Variants in ADCY9 observed in about 807,000 individuals in gnomAD.
The protein encoded by ADCY9 is adenylate cyclase type 9.
Under a neutral mutation model 101.5 loss-of-function variants are expected in ADCY9, and 50 were observed. That is an observed-to-expected ratio of 0.49 (90% CI 0.39 to 0.62). ADCY9 has a LOEUF of 0.62. ADCY9 is among the 20% of genes least tolerant of loss of function. ADCY9 has a pLI of 0.00. For synonymous variants in ADCY9, 905 were observed against 769.3 expected (o/e 1.18, Z -2.92); for missense variants, 1,662 against 1,800.4 (o/e 0.92, Z 1.39).
At chr16:4,090,545 C>G (rs774151421) in intron 2 of ADCY9, among the ~76,000 whole-genome samples, 38 of 152,042 alleles carry the variant, frequency 2.5e-4, no homozygotes, top group Admixed American at 5.9e-4. Context: ...ACCGTCCCAC[C>G]TCCCTGTGCT....
intron 2 of ADCY9, among the ~76,000 whole-genome samples, chr16:4,076,937 C>T (rs1239178500): frequency 6.6e-6 from 1 of 152,054 alleles, no homozygotes; most frequent in Non-Finnish European, 1.5e-5. Context: ...ATTAGCCGGG[C>T]ATGGTGGCAG....
intron 3 of ADCY9, among the ~76,000 whole-genome samples, chr16:3,996,232 C>T (rs1033513057): frequency 2.0e-5 from 3 of 152,040 alleles, no homozygotes; most frequent in Admixed American, 6.6e-5. Context: ...CTTGATGGCA[C>T]GTGCCTGTGG....
At chr16:4,030,152 T>A (rs1481323467) in intron 2 of ADCY9, among the ~76,000 whole-genome samples, 1 of 152,176 alleles carries the variant, frequency 6.6e-6, no homozygotes, top group Admixed American at 6.5e-5. Context: ...TAATTCCCCT[T>A]CTAGACATTG....
At chr16:4,110,377 T>A (rs1276098885) in intron 2 of ADCY9, among the ~76,000 whole-genome samples, 2 of 47,936 alleles carry the variant, frequency 4.2e-5, no homozygotes, top group Non-Finnish European at 8.2e-5. Flanking sequence ...TTATACCTAC[T>A]TTTTTTTTTT....
At chr16:4,067,663 A>C (rs1179357055) in intron 2 of ADCY9, among the ~76,000 whole-genome samples, 1 of 152,082 alleles carries the variant, frequency 6.6e-6, no homozygotes, top group Non-Finnish European at 1.5e-5. Flanking sequence ...GGACCCCCAG[A>C]GAAGTTCCGA....
At chr16:4,005,608 G>A (rs1431800607) in intron 3 of ADCY9, among the ~76,000 whole-genome samples, 1 of 152,110 alleles carries the variant, frequency 6.6e-6, no homozygotes, top group Non-Finnish European at 1.5e-5. Flanking sequence ...AAGAAGATAC[G>A]CTAAATGGTT....
At chr16:4,101,291 T>TC (rs1264655742) in intron 2 of ADCY9, among the ~76,000 whole-genome samples, 2 of 151,160 alleles carry the variant, frequency 1.3e-5, no homozygotes, top group Non-Finnish European at 3.0e-5. Flanking sequence ...ATTTTTTTTT[T>TC]TTTTTTTGAG....
intron 2 of ADCY9, among the ~76,000 whole-genome samples, chr16:4,018,577 G>A (rs1420865330): frequency 6.6e-6 from 1 of 152,172 alleles, no homozygotes; most frequent in East Asian, 1.9e-4. Flanking sequence ...ACCACCTGTT[G>A]CTTCTGGGAA....
intron 5 of ADCY9, among the ~76,000 whole-genome samples, chr16:3,954,160 C>T (rs2055895632): frequency 6.6e-6 from 1 of 152,190 alleles, no homozygotes. Flanking sequence ...CTGACGCACC[C>T]CGTCCAGTGG....
Position 3,992,112 on chromosome 16 carries a change from AC to A in ADCY9, c.2207+33del. ...AAAGGCAGAGAGGCTTCTGCCTGCAACCTTTGCTTTTTCCCAGACAGCCCCA... is the reference window on the plus strand; with the variant it reads ...AAAGGCAGAGAGGCTTCTGCCTGCAACTTTGCTTTTTCCCAGACAGCCCCA... On this transcript the variant is annotated intron_variant, in intron 5 of 10. Transcript: ENST00000294016. The surrounding 1 kb of genome is among the most constrained non-coding windows in gnomAD (Gnocchi z 4.2). 2 of 1,603,002 alleles carry A rather than the reference AC, an allele frequency of 1.2e-6. No homozygotes were observed. The highest frequency in any genetic ancestry group is 1.7e-6 in the Non-Finnish European group (2 of 1,171,016).
chr16:4,115,540 G>C lies in ADCY9; in HGVS notation c.-43-55C>G, dbSNP rs1374122665. The C allele has an allele frequency of 1.8e-5, 25 of 1,402,532 alleles. No homozygotes were observed. Among genetic ancestry groups the C allele is most frequent in the Non-Finnish European group, 1.7e-5 (18 of 1,064,364 alleles). 86.9% of individuals were successfully genotyped at this position (1,402,532 alleles called of 1,614,324 possible). ...GCTCCCACCTAGGCATGCACGCCTA[G>C]AGGCCCGGGACCTGCTCCTGTCCTA... On this transcript the variant is annotated intron_variant, in intron 1 of 10. Transcript: ENST00000294016. This position sits in a 1 kb window ranked among gnomAD's most constrained non-coding sequence, Gnocchi z 6.2.
Position 3,977,620 on chromosome 16 carries a change from A to C in ADCY9, c.2690T>G (p.Phe897Cys). 1.9e-6 allele frequency: 3 copies of C among 1,613,038 alleles called. No homozygotes were observed. Among genetic ancestry groups the C allele is most frequent in the Non-Finnish European group, 2.5e-6 (3 of 1,179,836 alleles). The change falls in exon 9 of 11, where the codon TTC (phenylalanine) becomes TGC (cysteine). Residue 897 changes from phenylalanine (F) to cysteine (C), a missense_variant. Phe to Cys is a radical substitution (Grantham distance 205). Around this residue, in one of 5 missense-constraint regions of ADCY9, gnomAD observed 624 missense variants for 639.1 expected, o/e 0.98. Transcript: ENST00000294016. ...EYETNIHFPV[F>C]TGSAALIAVV... ...GGCAATCAGCGCGGCCGAGCCTGTG[A>C]ACACTGGGAACTGCAAGAGGCGAAG...
chr16:4,010,901 G>A (rs961773737), intron 2 of ADCY9, among the ~76,000 whole-genome samples: 7 of 151,984 alleles, frequency 4.6e-5, no homozygotes, highest in South Asian at 2.1e-4. Context: ...GGGCTCTCTC[G>A]CTTGCCCTCC....
At chr16:4,043,566 C>T (rs113675210) in intron 2 of ADCY9, among the ~76,000 whole-genome samples, 4,970 of 149,928 alleles carry the variant, frequency 0.033, 284 homozygotes, top group African/African-American at 0.11. Flanking sequence ...CTCAGCTGCC[C>T]GTAATCTCAT....
At chr16:4,002,936 G>T (rs898178668) in intron 3 of ADCY9, among the ~76,000 whole-genome samples, 1 of 152,156 alleles carries the variant, frequency 6.6e-6, no homozygotes, top group Admixed American at 6.5e-5. Flanking sequence ...GGCTGGCCTT[G>T]AACTCCTGAC....
chr16:4,108,360 ATTTTTTTTTTTTT>A (rs869169536), intron 2 of ADCY9, among the ~76,000 whole-genome samples: 188 of 53,760 alleles, frequency 3.5e-3, no homozygotes, highest in Middle Eastern at 0.025. Context: ...CCGTTTCTTC[ATTTTTTTTTTTTT>A]TTTTTTTTTT....
At chr16:3,981,030 C>T (rs1490041624) in intron 7 of ADCY9, among the ~76,000 whole-genome samples, 1 of 152,238 alleles carries the variant, frequency 6.6e-6, no homozygotes, top group Non-Finnish European at 1.5e-5. Flanking sequence ...CCGTATACCC[C>T]ACAGCGCAGG....
At chr16:4,021,887 A>G (rs2056479669) in intron 2 of ADCY9, among the ~76,000 whole-genome samples, 1 of 151,992 alleles carries the variant, frequency 6.6e-6, no homozygotes, top group African/African-American at 2.4e-5. Context: ...CCTTCTGGAA[A>G]CTCGACGGCA....
chr16:4,082,643 T>C (rs887394730), intron 2 of ADCY9, among the ~76,000 whole-genome samples: 1 of 148,582 alleles, frequency 6.7e-6, no homozygotes, highest in African/African-American at 2.5e-5. Flanking sequence ...CACCCACGCA[T>C]GCACGCACAC....
Sources: gnomAD v4.1 joint callset for allele counts (sites outside exome capture counted in the v4.1 genomes callset) on GRCh38, gnomAD v4.1.1 for gene constraint, gnomAD v4.1.1 regional missense constraint, Gnocchi (gnomAD v3.1) non-coding constraint, MANE v1.5 for transcripts, NCBI Gene and HGNC (gene_info 2026-07-23, HGNC 2026-07-21) for gene names.